The following YTHDC2 variants were observed in gnomAD, a reference collection of about 807,000 sequenced individuals.
YTHDC2 encodes 3'-5' RNA helicase YTHDC2.
YTHDC2 carries 45 observed loss-of-function variants against 174.9 expected under a neutral mutation model. That is an observed-to-expected ratio of 0.26 (90% confidence interval 0.20 to 0.33). The LOEUF (loss-of-function observed/expected upper bound fraction) is 0.33. Among genes scored for constraint, YTHDC2 ranks in the 10% least tolerant of loss-of-function variants. The pLI, the probability that YTHDC2 is intolerant of heterozygous loss-of-function variation, is 1.00. For missense variants in YTHDC2, 1,650 were observed against 1,723.7 expected, an observed-to-expected ratio of 0.96 and a Z score of 0.76; for synonymous variants, 657 against 574.5, an observed-to-expected ratio of 1.14 and a Z score of -2.05.
chr5:113,589,402 AAAAAAAATATATATATAT>A (rs1265826651), intron 26 of YTHDC2, among the ~76,000 whole-genome samples: 22 of 114,246 alleles, frequency 1.9e-4, no homozygotes, highest in African/African-American at 8.4e-4. Context: ...AATTAAAAAA[AAAAAAAATATATATATAT>A]ATATATATAT....
rs1458717358 is a variant in YTHDC2, at chr5:113,587,887, A to G, written c.3826-3154A>G. Among the ~76,000 whole-genome samples the G allele has an allele frequency of 3.3e-5, 5 of 152,044 alleles. No individual in the cohort carries two copies. The East Asian group carries it at 9.6e-4, about 29-fold the overall frequency. ...TTAACACTTCTTAGTCTTCTAATCC[A>G]TAAGCATAGTATATCTGTTCATTAT... On this transcript the variant is annotated intron_variant, in intron 26 of 29. Coordinates refer to ENST00000161863, the MANE Select transcript of YTHDC2 (RefSeq NM_022828.5).
In YTHDC2 at chr5:113,572,422, T is replaced by C. The variant is rs1354547950; in HGVS notation, c.3244+4573T>C. 2.6e-5 allele frequency among the ~76,000 whole-genome samples: 4 copies of C among 152,278 alleles called. No homozygotes were observed. The East Asian group carries it at 5.8e-4, about 22-fold the overall frequency. ...TTTTAGAATAAATGCCATGTGGCGA[T>C]GAGAAGAATGTATATTCTCTTGTTT... On this transcript the variant is annotated intron_variant, in intron 23 of 29. Coordinates refer to ENST00000161863, the MANE Select transcript of YTHDC2 (RefSeq NM_022828.5).
chr5:113,515,946 A>C (rs374697082), intron 2 of YTHDC2, among the ~76,000 whole-genome samples: 3 of 152,158 alleles, frequency 2.0e-5, no homozygotes, highest in African/African-American at 7.2e-5. Flanking sequence ...TCTCTTGTTA[A>C]GAATAGTCCT....
intron 27 of YTHDC2, 64 bp from the exon 28 acceptor site, chr5:113,591,932 A>G: frequency 8.1e-7 from 1 of 1,233,260 alleles, no homozygotes; most frequent in Non-Finnish European, 1.1e-6. Flanking sequence ...CTTCTCAGAT[A>G]AATTAAATTT....
intron 4 of YTHDC2, among the ~76,000 whole-genome samples, chr5:113,531,281 T>G (rs750359210): frequency 1.3e-5 from 2 of 152,194 alleles, no homozygotes; most frequent in African/African-American, 4.8e-5. Flanking sequence ...ATTTTGCCTG[T>G]CAGTTAGGCT....
intron 2 of YTHDC2, among the ~76,000 whole-genome samples, chr5:113,521,898 G>A (rs1773889563): frequency 6.6e-6 from 1 of 150,926 alleles, no homozygotes; most frequent in South Asian, 2.1e-4. Flanking sequence ...AAGCAGCTGT[G>A]CTCAGTTTGG....
chr5:113,591,634 C>T (rs1385232591), intron 27 of YTHDC2, among the ~76,000 whole-genome samples: 1 of 151,932 alleles, frequency 6.6e-6, no homozygotes, highest in Non-Finnish European at 1.5e-5. Flanking sequence ...TAATGTATAC[C>T]TGAATTTATA....
chr5:113,568,659 A>T (rs1777514906), intron 23 of YTHDC2, among the ~76,000 whole-genome samples: 1 of 152,214 alleles, frequency 6.6e-6, no homozygotes, highest in Non-Finnish European at 1.5e-5. Flanking sequence ...TTTGCTGAGG[A>T]TAATGGCTTC....
At chr5:113,542,347 G>A in intron 9 of YTHDC2, 21 bp from the exon 10 acceptor site, 1 of 1,601,074 alleles carries the variant, frequency 6.2e-7, no homozygotes, top group East Asian at 2.3e-5. Flanking sequence ...GATAATTTAT[G>A]ATTTTTACTG....
Position 113,567,713 on chromosome 5 carries a change from T to C in YTHDC2, c.3108T>C (p.Ile1036=). Residue 1036 remains isoleucine (I), a synonymous_variant, in exon 23 of 30, where the codon ATT becomes ATC. Coordinates refer to ENST00000161863, the MANE Select transcript of YTHDC2 (RefSeq NM_022828.5). ...AGGCACTGCCCACAGATTGGCTTAT[T>C]TATGATGAAATGACCAGAGCCCATA... ...AIKALPTDWL[I]YDEMTRAHRI... 2 of 1,610,128 alleles carry C rather than the reference T, an allele frequency of 1.2e-6. No individual in the cohort carries two copies. Among genetic ancestry groups the C allele is most frequent in the Non-Finnish European group, 1.7e-6 (2 of 1,178,374 alleles).
chr5:113,559,633 A>C (rs1352703578), intron 17 of YTHDC2, among the ~76,000 whole-genome samples: 1 of 152,248 alleles, frequency 6.6e-6, no homozygotes, highest in African/African-American at 2.4e-5. Flanking sequence ...CAGTTGGTTC[A>C]GGTTACCCAA....
At chr5:113,563,178 A>G (rs1343956862) in intron 18 of YTHDC2, among the ~76,000 whole-genome samples, 195 bp from the exon 19 acceptor site, 1 of 151,946 alleles carries the variant, frequency 6.6e-6, no homozygotes, top group Non-Finnish European at 1.5e-5. Flanking sequence ...TGAAGAGGGT[A>G]TTTATTAAGG....
intron 20 of YTHDC2, among the ~76,000 whole-genome samples, chr5:113,565,281 A>G (rs1777258057): frequency 6.6e-6 from 1 of 152,214 alleles, no homozygotes; most frequent in Non-Finnish European, 1.5e-5. Context: ...ACCATATATT[A>G]TAGTAGATAG....
rs1385260770 is a variant in YTHDC2, at chr5:113,546,215, A to G, written c.1496-2326A>G. Among the ~76,000 whole-genome samples, 9 of 152,346 alleles carry G rather than the reference A, an allele frequency of 5.9e-5. No homozygotes were observed. In the South Asian group the frequency reaches 1.7e-3, roughly 28 times the overall value. ...ATTCTGAAAACAGTGACTTTAAAAT[A>G]TTTATGATGCATTTTAAGTATTTAA... On this transcript the variant is annotated intron_variant, in intron 10 of 29. Coordinates refer to ENST00000161863, the MANE Select transcript of YTHDC2 (RefSeq NM_022828.5).
intron 23 of YTHDC2, among the ~76,000 whole-genome samples, chr5:113,578,098 C>G (rs960936845): frequency 6.6e-6 from 1 of 152,010 alleles, no homozygotes; most frequent in Non-Finnish European, 1.5e-5. Context: ...GGTTCAAATT[C>G]TAAAGTTATA....
At chr5:113,540,847 AAC>A in intron 8 of YTHDC2, 119 bp from the exon 9 acceptor site, 1 of 826,272 alleles carries the variant, frequency 1.2e-6, no homozygotes. Context: ...TTTTAAAAGT[AAC>A]TACAGAATAA....
intron 4 of YTHDC2, among the ~76,000 whole-genome samples, chr5:113,530,552 A>AT (rs1479960035): frequency 6.6e-6 from 1 of 152,080 alleles, no homozygotes; most frequent in Non-Finnish European, 1.5e-5. Flanking sequence ...AATAACCCTA[A>AT]TTCCTCCCTC....
chr5:113,526,521 T>A, intron 3 of YTHDC2, 65 bp from the exon 4 acceptor site: 1 of 1,377,662 alleles, frequency 7.3e-7, no homozygotes, highest in Non-Finnish European at 9.7e-7. Context: ...AAAAAATTAC[T>A]TATTTTTAAC....
At chr5:113,569,922 G>A (rs956257028) in intron 23 of YTHDC2, among the ~76,000 whole-genome samples, 1 of 152,040 alleles carries the variant, frequency 6.6e-6, no homozygotes, top group African/African-American at 2.4e-5. Flanking sequence ...AAATTTCTCT[G>A]GGCAGTATGG....
Sources: allele counts gnomAD v4.1 joint callset (sites outside exome capture counted in the v4.1 genomes callset), GRCh38; gene constraint gnomAD v4.1.1; transcripts MANE v1.5; gene names NCBI Gene and HGNC (gene_info 2026-07-23, HGNC 2026-07-21).